PTCH2: variants seen among roughly 807,000 people sequenced by gnomAD.
PTCH2 encodes the protein protein patched homolog 2.
In PTCH2, 96 loss-of-function variants were observed where a neutral mutation model predicts 117.9. That is an observed-to-expected ratio of 0.81 (90% CI 0.69 to 0.96). The LOEUF (loss-of-function observed/expected upper bound fraction) is 0.96. Ranked by LOEUF, PTCH2 falls within the 50% of genes least tolerant of loss-of-function variation. PTCH2 has a pLI of 0.00. For synonymous variants in PTCH2, 615 were observed against 660.9 expected (o/e 0.93, Z 1.06); for missense variants, 1,379 against 1,562.5 (o/e 0.88, Z 1.98).
Position 44,822,132 on chromosome 1 carries a change from G to A in PTCH2, c.*283C>T. On this transcript the variant is annotated 3_prime_UTR_variant, in exon 22 of 22. Transcript: ENST00000372192. Reference sequence around the variant, plus strand: ...GGGTCCCTCAGGCTTGGTCAGCTGGGCAGGCAGTGGTGTGGGGTGGGAAGG... The same window carrying A: ...GGGTCCCTCAGGCTTGGTCAGCTGGACAGGCAGTGGTGTGGGGTGGGAAGG... The A allele has an allele frequency of 7.1e-7, 1 of 1,403,670 alleles. No individual in the cohort carries two copies. Among genetic ancestry groups the A allele is most frequent in the Non-Finnish European group, 9.2e-7 (1 of 1,081,226 alleles). 87.0% of individuals were successfully genotyped at this position (1,403,670 alleles called of 1,614,324 possible).
chr1:44,820,266 TCTC>T (rs1247827539), downstream of PTCH2: 7 of 422,500 alleles, frequency 1.7e-5, no homozygotes, highest in Non-Finnish European at 2.4e-5. Flanking sequence ...GGGTCACTGA[TCTC>T]CTTTGCTCTC....
In PTCH2 at chr1:44,828,624, A is replaced by G; in HGVS notation, c.1472T>C (p.Met491Thr). 1 of 1,612,598 alleles carries G rather than the reference A, an allele frequency of 6.2e-7. No homozygotes were observed. Among genetic ancestry groups the G allele is most frequent in the Non-Finnish European group, 8.5e-7 (1 of 1,179,458 alleles). Reference protein sequence around the residue: ...ALPGTPLQERMGECLQRTGTS... With the variant: ...ALPGTPLQERTGECLQRTGTS... ...GCCCGTGCGCTGCAGACACTCGCCC[A>G]TGCGCTCCTGCCAGGACAGAGTGGG... The change falls in exon 12 of 22, where the codon ATG (methionine) becomes ACG (threonine). Residue 491 changes from methionine (M) to threonine (T), a missense_variant. Physicochemically the swap from Met to Thr is moderately conservative, Grantham distance 81. Transcript: ENST00000372192.
downstream of PTCH2, chr1:44,819,855 T>G (rs888012499): frequency 1.3e-5 from 2 of 152,920 alleles, no homozygotes; most frequent in African/African-American, 4.8e-5. Flanking sequence ...TTGGTTGTAG[T>G]TGCCTAACTT....
chr1:44,827,965 GAAGGTCCC>G lies in PTCH2; in HGVS notation c.1928_1935del (p.Arg643ProfsTer41). On this transcript the variant is annotated frameshift_variant, in exon 14 of 22. Transcript: ENST00000372192. LOFTEE classifies it high-confidence loss of function. ...TGCCTTGTCTCCTCCTCCTGGCCTA[GAAGGTCCC>G]GTGTGGACCCTCCAGGGCTGAAGAG... 6.2e-7 allele frequency: 1 copy of G among 1,614,214 alleles called. No homozygotes were observed. Among genetic ancestry groups the G allele is most frequent in the Non-Finnish European group, 8.5e-7 (1 of 1,180,040 alleles).
Position 44,826,615 on chromosome 1 carries a change from G to C in PTCH2, c.2849C>G (p.Pro950Arg). 2 of 1,613,368 alleles carry C rather than the reference G, an allele frequency of 1.2e-6. No homozygotes were observed. The highest frequency in any genetic ancestry group is 1.7e-6 in the Non-Finnish European group (2 of 1,180,012). ...AGVHAYPSGS[P>R]FLFWEQYLGL... The stretch of plus-strand genomic sequence containing the variant: ...CAGATACTGTTCCCAGAAGAGGAAG[G>C]GGGAGCCGCTGGGGTAGGCGTGCAC... Residue 950 changes from proline to arginine, a missense_variant, in exon 18 of 22, where the codon CCC becomes CGC. Pro to Arg is a moderately radical substitution (Grantham distance 103). Transcript: ENST00000372192. This position sits in a 1 kb window ranked among gnomAD's most constrained non-coding sequence, Gnocchi z 5.1.
Position 44,830,033 on chromosome 1 carries a change from G to A in PTCH2, c.814-3C>T, listed in dbSNP as rs747378818. 1.2e-6 allele frequency: 2 copies of A among 1,614,082 alleles called. No individual in the cohort carries two copies. The highest frequency in any genetic ancestry group is 4.5e-5 in the East Asian group (2 of 44,884). ...AGCTCGTGAGCCACATTGGGAGCCT[G>A]GAGGGGAACAGGAGGGGTTAATGCT... On this transcript the variant is annotated splice_polypyrimidine_tract_variant and splice_region_variant and intron_variant, in intron 6 of 21. Coordinates refer to ENST00000372192, the MANE Select transcript of PTCH2 (RefSeq NM_003738.5).
rs757860248 is a variant in PTCH2, at chr1:44,829,219, C to A, written c.1309G>T (p.Val437Leu). 6 of 1,613,532 alleles carry A rather than the reference C, an allele frequency of 3.7e-6. No homozygotes were observed. In the South Asian group the frequency reaches 6.6e-5, roughly 18 times the overall value. ...LAGVLLVALA[V>L]ASGLGLCALL... ...GCACAGAGCCCAAGGCCTGAGGCCACCGCCAGGGCCACCAGCAGTACCCCG... is the reference window on the plus strand; with the variant it reads ...GCACAGAGCCCAAGGCCTGAGGCCAACGCCAGGGCCACCAGCAGTACCCCG... The change falls in exon 10 of 22, where the codon GTG becomes TTG. Residue 437 changes from valine (V) to leucine (L), a missense_variant. By Grantham distance (32) the Val-to-Leu change is conservative. Transcript: ENST00000372192.
At chr1:44,824,329 G>A (rs1653046648) in intron 19 of PTCH2, among the ~76,000 whole-genome samples, 2 of 152,142 alleles carry the variant, frequency 1.3e-5, no homozygotes, top group South Asian at 4.1e-4. Flanking sequence ...TTGGTGGGGG[G>A]AAAGGAAGGG....
rs146379791 is a variant in PTCH2, at chr1:44,827,589, G to A, written c.2184C>T (p.Ser728=). 3.5e-4 allele frequency: 567 copies of A among 1,614,058 alleles called. No individual in the cohort carries two copies. Among genetic ancestry groups the A allele is most frequent in the Admixed American group, 5.2e-4 (31 of 60,032 alleles). ...PRGTKEHAFL[S]AQLRYFSLYE... is the part of the protein sequence containing the mutation. ...ACAGGGAGAAGTACCTGAGCTGGGC[G>A]CTCAGGAAGGCATGCTCCTTGGTGC... The change falls in exon 15 of 22, where the codon AGC becomes AGT. Residue 728 remains serine, a synonymous_variant. Transcript: ENST00000372192.
At chr1:44,821,110 T>A (rs1431098131), downstream of PTCH2, among the ~76,000 whole-genome samples, 1 of 152,042 alleles carries the variant, frequency 6.6e-6, no homozygotes, top group East Asian at 1.9e-4. Flanking sequence ...TCATTCCTGG[T>A]GAGTGGGTGG....
Position 44,828,037 on chromosome 1 carries a change from G to T in PTCH2, c.1864C>A (p.His622Asn), listed in dbSNP as rs11573586. 5,478 of 1,614,192 alleles carry T rather than the reference G, an allele frequency of 3.4e-3. 15 individuals are homozygous for T. Among genetic ancestry groups the T allele is most frequent in the Non-Finnish European group, 4.2e-3 (4,918 of 1,180,034 alleles). The stretch of plus-strand genomic sequence containing the variant: ...GGGTCAGAAGGTGGGGGCACCAGGT[G>T]GGCTTGGGGAGGCAGGATGGTGACC... The part of the protein sequence containing the change: ...HVVTILPPQA[H>N]LVPPPSDPLG... Residue 622 changes from histidine (H) to asparagine (N), a missense_variant, in exon 14 of 22, where the codon CAC becomes AAC. By Grantham distance (68) the His-to-Asn change is moderately conservative. Coordinates refer to ENST00000372192, the MANE Select transcript of PTCH2 (RefSeq NM_003738.5).
At chr1:44,830,587 C>CAAAAAAAAAAAAAAAAAAA (rs768951349) in intron 6 of PTCH2, among the ~76,000 whole-genome samples, 772 of 64,812 alleles carry the variant, frequency 0.012, 54 homozygotes, top group East Asian at 0.016. Context: ...GAGTGAGACT[C>CAAAAAAAAAAAAAAAAAAA]AAAAAAAAAA....
At chr1:44,834,323 C>T (rs1653590558) in intron 2 of PTCH2, among the ~76,000 whole-genome samples, 1 of 152,012 alleles carries the variant, frequency 6.6e-6, no homozygotes, top group Non-Finnish European at 1.5e-5. Flanking sequence ...GGGTTTCACC[C>T]TGTTCGCCAG....
intron 2 of PTCH2, among the ~76,000 whole-genome samples, chr1:44,841,200 C>T (rs997327601): frequency 4.6e-5 from 7 of 150,734 alleles, no homozygotes; most frequent in Non-Finnish European, 1.0e-4. Context: ...AACAACCCCC[C>T]CCAAAAAAAA....
chr1:44,829,619 C>G lies in PTCH2; in HGVS notation c.1078G>C (p.Val360Leu), dbSNP rs745653597. The change falls in exon 8 of 22, where the codon GTG becomes CTG. Residue 360 changes from valine to leucine, a missense_variant. Physicochemically the swap from Val to Leu is conservative, Grantham distance 32. Transcript: ENST00000372192. The part of the protein sequence containing the change: ...TVLQAWQRRF[V>L]QLAQEALPEN... Reference sequence around the variant, plus strand: ...TTGTCCTTGTCCATACCGACCTGCACAAAGCGCCGCTGCCAGGCTTGTAGC... The same window carrying G: ...TTGTCCTTGTCCATACCGACCTGCAGAAAGCGCCGCTGCCAGGCTTGTAGC... 28 of 1,614,076 alleles carry G rather than the reference C, an allele frequency of 1.7e-5. No individual in the cohort carries two copies. Among genetic ancestry groups the G allele is most frequent in the Admixed American group, 6.7e-5 (4 of 60,006 alleles).
In PTCH2 at chr1:44,822,300, G is replaced by T; in HGVS notation, c.*115C>A. 6.3e-7 allele frequency: 1 copy of T among 1,593,208 alleles called. No individual in the cohort carries two copies. Among genetic ancestry groups the T allele is most frequent in the East Asian group, 2.2e-5 (1 of 44,782 alleles). On this transcript the variant is annotated 3_prime_UTR_variant, in exon 22 of 22. Transcript: ENST00000372192. ...GCCCATGACAGCTGGGTCGGGAGAG[G>T]GGATGCAGCAGCAGCAGGGCCCTCC...
intron 2 of PTCH2, among the ~76,000 whole-genome samples, chr1:44,837,278 A>G (rs1187193307): frequency 1.3e-5 from 2 of 151,714 alleles, no homozygotes; most frequent in Admixed American, 6.6e-5. Context: ...TTTTTTTGAG[A>G]CAGAGTCTTG....
In PTCH2 at chr1:44,831,092, C is replaced by T; in HGVS notation, c.618-49G>A. The stretch of plus-strand genomic sequence containing the variant: ...TGAGGGTCAGGGACGAAAACCCAGG[C>T]TCCAAACTGCTGCTGGGGCGCCATG... On this transcript the variant is annotated intron_variant, in intron 5 of 21. Transcript: ENST00000372192. The surrounding 1 kb of genome is among the most constrained non-coding windows in gnomAD (Gnocchi z 4.3). 1.3e-6 allele frequency: 2 copies of T among 1,554,302 alleles called. No individual in the cohort carries two copies. Among genetic ancestry groups the T allele is most frequent in the East Asian group, 2.3e-5 (1 of 43,438 alleles).
chr1:44,819,939 C>G (rs144745590), downstream of PTCH2: 6 of 153,354 alleles, frequency 3.9e-5, no homozygotes, highest in Admixed American at 3.9e-4. Flanking sequence ...ACTTTCTCTC[C>G]ACGGAAATCT....
Sources: allele counts gnomAD v4.1 joint callset (sites outside exome capture counted in the v4.1 genomes callset), GRCh38; gene constraint gnomAD v4.1.1; non-coding constraint Gnocchi (gnomAD v3.1); transcripts MANE v1.5; gene names NCBI Gene and HGNC (gene_info 2026-07-23, HGNC 2026-07-21).